Variants in RALGPS2 observed in about 807,000 individuals in gnomAD.
RALGPS2 encodes Ral GEF with PH domain and SH3 binding motif 2.
RALGPS2 carries 43 observed loss-of-function variants against 86.8 expected under a neutral mutation model. That is an observed-to-expected ratio of 0.50 (90% CI 0.39 to 0.64). The LOEUF is 0.64. RALGPS2 is among the 30% of genes least tolerant of loss of function. RALGPS2 has a pLI of 0.00. For synonymous variants in RALGPS2, 243 were observed against 231.3 expected, an observed-to-expected ratio of 1.05 and a Z score of -0.46; for missense variants, 536 against 694.6, an observed-to-expected ratio of 0.77 and a Z score of 2.57.
At chr1:178,856,130 C>G (rs980171972) in intron 8 of RALGPS2, among the ~76,000 whole-genome samples, 1 of 146,014 alleles carries the variant, frequency 6.8e-6, no homozygotes, top group African/African-American at 2.5e-5. Context: ...ATAAGAATTT[C>G]TGTACTATAA....
intron 7 of RALGPS2, among the ~76,000 whole-genome samples, chr1:178,823,761 G>C (rs1328064650): frequency 2.0e-5 from 3 of 152,166 alleles, no homozygotes; most frequent in Admixed American, 2.0e-4. Flanking sequence ...GTATAGAGAA[G>C]GACCATTGTG....
intron 1 of RALGPS2, chr1:178,747,773 G>A (rs1651420226): frequency 1.2e-6 from 1 of 855,558 alleles, no homozygotes; most frequent in Non-Finnish European, 2.0e-6. Flanking sequence ...GAGCGAGCTG[G>A]TGCGAGCAGA....
At chr1:178,843,762 A>G (rs745475021) in intron 8 of RALGPS2, among the ~76,000 whole-genome samples, 7 of 152,158 alleles carry the variant, frequency 4.6e-5, no homozygotes, top group African/African-American at 7.2e-5. Context: ...TATTCTTCAT[A>G]TAGTTCATCC....
chr1:178,768,086 T>C (rs893146821), intron 1 of RALGPS2, among the ~76,000 whole-genome samples: 1 of 152,230 alleles, frequency 6.6e-6, no homozygotes, highest in African/African-American at 2.4e-5. Flanking sequence ...GTTTCCTAGA[T>C]TGCCTTAGAA....
chr1:178,859,963 C>T (rs997728319), intron 8 of RALGPS2, among the ~76,000 whole-genome samples: 1 of 151,750 alleles, frequency 6.6e-6, no homozygotes, highest in South Asian at 2.1e-4. Flanking sequence ...GTGATCCACC[C>T]GTCTCGGCTA....
In RALGPS2 at chr1:178,865,127, T is replaced by C. The variant is rs932520566; in HGVS notation, c.608-12371T>C. 2.5e-6 allele frequency: 4 copies of C among 1,589,074 alleles called. No individual in the cohort carries two copies. The African/African-American group carries it at 5.4e-5, about 21-fold the overall frequency. The stretch of plus-strand genomic sequence containing the variant: ...GTTAGGAATATGTTGTGGCACCACC[T>C]GGACAAGTGGGGGAGACACATGGGT... On this transcript the variant is annotated intron_variant, in intron 8 of 19. Transcript: ENST00000367635.
intron 8 of RALGPS2, among the ~76,000 whole-genome samples, chr1:178,848,638 A>G (rs536509720): frequency 6.6e-5 from 10 of 152,294 alleles, no homozygotes; most frequent in Non-Finnish European, 1.2e-4. Flanking sequence ...ATGTAATTTC[A>G]TACCCGAAAA....
intron 1 of RALGPS2, among the ~76,000 whole-genome samples, chr1:178,769,828 C>G (rs1439508164): frequency 2.6e-5 from 4 of 152,094 alleles, no homozygotes; most frequent in Non-Finnish European, 5.9e-5. Context: ...ATGTTCTATT[C>G]CTTGGCCTGG....
intron 1 of RALGPS2, among the ~76,000 whole-genome samples, chr1:178,761,344 G>A (rs1056386831): frequency 6.6e-6 from 1 of 151,722 alleles, no homozygotes; most frequent in Admixed American, 6.6e-5. Context: ...CAGGAGAATG[G>A]CGTGAACCCA....
intron 3 of RALGPS2, among the ~76,000 whole-genome samples, chr1:178,785,350 A>G (rs1424139405): frequency 6.6e-6 from 1 of 151,984 alleles, no homozygotes; most frequent in Non-Finnish European, 1.5e-5. Context: ...ACTTTACACA[A>G]TTTATCTTCC....
At chr1:178,804,007 T>G (rs1164830385) in intron 4 of RALGPS2, among the ~76,000 whole-genome samples, 2 of 152,164 alleles carry the variant, frequency 1.3e-5, no homozygotes, top group East Asian at 3.9e-4. Flanking sequence ...ATTACTTTTT[T>G]CTTGAAGGAC....
intron 1 of RALGPS2, chr1:178,753,903 C>T (rs952937468): frequency 6.6e-6 from 1 of 151,394 alleles, no homozygotes; most frequent in African/African-American, 2.4e-5. Context: ...GCAATCTTGA[C>T]TCAGTGCAAG....
chr1:178,865,357 C>G, intron 8 of RALGPS2: 1 of 1,614,070 alleles, frequency 6.2e-7, no homozygotes, highest in Non-Finnish European at 8.5e-7. Flanking sequence ...TACGGATAAT[C>G]TCATGTAATA....
intron 13 of RALGPS2, among the ~76,000 whole-genome samples, chr1:178,886,396 A>T (rs957912291): frequency 6.6e-6 from 1 of 152,202 alleles, no homozygotes; most frequent in Non-Finnish European, 1.5e-5. Context: ...GGGAGGAGGA[A>T]GAGTGTGGAG....
intron 8 of RALGPS2, chr1:178,853,046 A>C: frequency 6.7e-7 from 1 of 1,485,014 alleles, no homozygotes; most frequent in South Asian, 1.5e-5. Context: ...TAGCATAAAG[A>C]TACTGGCCAT....
chr1:178,800,526 T>G (rs1337478005), intron 4 of RALGPS2, among the ~76,000 whole-genome samples: 1 of 152,196 alleles, frequency 6.6e-6, no homozygotes, highest in Non-Finnish European at 1.5e-5. Flanking sequence ...CTCTTCCTTA[T>G]GATTTTCTTA....
intron 8 of RALGPS2, chr1:178,853,079 A>T (rs1657290892): frequency 6.9e-7 from 1 of 1,444,298 alleles, no homozygotes; most frequent in Non-Finnish European, 9.1e-7. Flanking sequence ...GTGAGCTTCC[A>T]TTTTAGTTGG....
At position 178,748,547 on chromosome 1, in the gene RALGPS2, G is replaced by A. The variant is rs1046248909; in HGVS notation, c.-84+23128G>A. On this transcript the variant is annotated intron_variant, in intron 1 of 19. Coordinates refer to ENST00000367635, the MANE Select transcript of RALGPS2 (RefSeq NM_152663.5). Reference sequence around the variant, plus strand: ...AGGGATGAGGTCTCAAAATAATTATGCAGAGCAAAAGAAGGCAGGCACTGG... The same window carrying A: ...AGGGATGAGGTCTCAAAATAATTATACAGAGCAAAAGAAGGCAGGCACTGG... 2.6e-5 allele frequency among the ~76,000 whole-genome samples: 4 copies of A among 152,008 alleles called. No homozygotes were observed. In the East Asian group the frequency reaches 5.8e-4, roughly 22 times the overall value.
chr1:178,780,807 T>C (rs1240430810), intron 2 of RALGPS2, among the ~76,000 whole-genome samples: 3 of 152,220 alleles, frequency 2.0e-5, no homozygotes, highest in Admixed American at 2.0e-4. Context: ...TGCTATGCTT[T>C]TAATAAAGCC....
Sources: allele counts gnomAD v4.1 joint callset (sites outside exome capture counted in the v4.1 genomes callset), GRCh38; gene constraint gnomAD v4.1.1; transcripts MANE v1.5; gene names NCBI Gene and HGNC (gene_info 2026-07-23, HGNC 2026-07-21).